Variants in CACHD1 observed in about 807,000 individuals in gnomAD.
The protein encoded by CACHD1 is VWFA and cache domain-containing protein 1.
CACHD1 carries 71 observed loss-of-function variants against 138.7 expected under a neutral mutation model. The ratio of observed to expected loss-of-function variants is 0.51; its 90% CI spans 0.42 to 0.62. The LOEUF (loss-of-function observed/expected upper bound fraction) is 0.62. Among genes scored for constraint, CACHD1 ranks in the 20% least tolerant of loss-of-function variants. CACHD1 has a pLI of 0.00. For missense variants in CACHD1, 1,389 were observed against 1,625.3 expected, an observed-to-expected ratio of 0.85 and a Z score of 2.50; for synonymous variants, 578 against 591.5, an observed-to-expected ratio of 0.98 and a Z score of 0.33.
At chr1:64,587,360 G>A (rs998330896) in intron 3 of CACHD1, among the ~76,000 whole-genome samples, 10 of 152,218 alleles carry the variant, frequency 6.6e-5, no homozygotes, top group African/African-American at 2.2e-4. Flanking sequence ...AAAATAAAAT[G>A]CCTAGTTCTG....
At chr1:64,667,081 ATGCTTC>A (rs1413286330) in intron 16 of CACHD1, among the ~76,000 whole-genome samples, 1 of 152,158 alleles carries the variant, frequency 6.6e-6, no homozygotes, top group Non-Finnish European at 1.5e-5. Context: ...AGAGTGCTTT[ATGCTTC>A]CTGCTTTTAA....
At chr1:64,498,508 G>A (rs919721091) in intron 1 of CACHD1, among the ~76,000 whole-genome samples, 1 of 152,182 alleles carries the variant, frequency 6.6e-6, no homozygotes, top group African/African-American at 2.4e-5. Context: ...GAAGCTCAGC[G>A]CAATGTGGCT....
intron 2 of CACHD1, among the ~76,000 whole-genome samples, chr1:64,554,542 T>C (rs1646782310): frequency 6.6e-6 from 1 of 152,246 alleles, no homozygotes; most frequent in South Asian, 2.1e-4. Flanking sequence ...TTTTTAATCC[T>C]TTGCCAAATG....
chr1:64,663,939 T>G (rs1459610253), intron 14 of CACHD1, 102 bp downstream of exon 14: 13 of 1,455,604 alleles, frequency 8.9e-6, no homozygotes, highest in Non-Finnish European at 1.1e-5. Flanking sequence ...GCTCTGCATC[T>G]GTGCCTCTCA....
intron 4 of CACHD1, among the ~76,000 whole-genome samples, chr1:64,625,765 A>G (rs1004533781): frequency 1.1e-4 from 16 of 152,202 alleles, no homozygotes; most frequent in Admixed American, 7.9e-4. Flanking sequence ...CCCTACATCT[A>G]TAAAAATAAA....
intron 23 of CACHD1, among the ~76,000 whole-genome samples, 185 bp from the exon 24 acceptor site, chr1:64,679,410 A>C (rs1245113563): frequency 6.6e-6 from 1 of 152,220 alleles, no homozygotes; most frequent in Non-Finnish European, 1.5e-5. Context: ...AGAACCAGGA[A>C]TTAAATGTAG....
At chr1:64,523,245 A>G (rs1240622260) in intron 1 of CACHD1, among the ~76,000 whole-genome samples, 7 of 152,214 alleles carry the variant, frequency 4.6e-5, no homozygotes, top group Non-Finnish European at 8.8e-5. Context: ...GGTTGGGGAA[A>G]GTGAGCATAT....
Position 64,641,887 on chromosome 1 carries a change from A to G in CACHD1, c.1074A>G (p.Lys358=). 1 of 1,607,296 alleles carries G rather than the reference A, an allele frequency of 6.2e-7. No individual in the cohort carries two copies. The part of the protein sequence containing the change: ...ITSKDSSEED[K]KATLQVINEE... The stretch of plus-strand genomic sequence containing the variant: ...CAAAGGACTCTTCGGAAGAAGATAA[A>G]AAAGCGACTCTCCAAGTCATCAATG... The change falls in exon 8 of 27, where the codon AAA becomes AAG. Residue 358 remains lysine (K), a synonymous_variant. Transcript: ENST00000651257.
At chr1:64,558,295 T>C (rs2100474893) in intron 2 of CACHD1, among the ~76,000 whole-genome samples, 1 of 152,354 alleles carries the variant, frequency 6.6e-6, no homozygotes, top group South Asian at 2.1e-4. Context: ...CTCCTTGCCT[T>C]TCCAGGCACA....
intron 3 of CACHD1, among the ~76,000 whole-genome samples, chr1:64,600,291 C>T (rs561807023): frequency 6.6e-6 from 1 of 152,310 alleles, no homozygotes; most frequent in Admixed American, 6.5e-5. Flanking sequence ...AAAGAATCTG[C>T]ATAGCAGGAT....
At chr1:64,553,208 TA>T (rs1021902357) in intron 2 of CACHD1, among the ~76,000 whole-genome samples, 1 of 152,248 alleles carries the variant, frequency 6.6e-6, no homozygotes, top group Admixed American at 6.5e-5. Context: ...TTTACGCATT[TA>T]TTGAAAAATT....
intron 1 of CACHD1, among the ~76,000 whole-genome samples, chr1:64,527,923 G>T (rs934374620): frequency 7.9e-5 from 12 of 152,180 alleles, no homozygotes; most frequent in Admixed American, 6.5e-4. Context: ...AACTGGCCCA[G>T]TGCTTGTGGA....
chr1:64,636,170 A>T (rs1194384807), intron 7 of CACHD1, among the ~76,000 whole-genome samples: 3 of 152,010 alleles, frequency 2.0e-5, no homozygotes, highest in Admixed American at 2.0e-4. Flanking sequence ...AATGTATCCT[A>T]TTGAGATAAA....
intron 4 of CACHD1, among the ~76,000 whole-genome samples, chr1:64,606,106 A>AACACACTCAC (rs1647327979): frequency 1.3e-5 from 2 of 148,842 alleles, no homozygotes; most frequent in African/African-American, 4.9e-5. Context: ...AGGAGCTGTA[A>AACACACTCAC]ACACACACAC....
Position 64,470,923 on chromosome 1 carries a change from T to TG in CACHD1, c.184dup (p.Val62GlyfsTer15). 1 of 1,605,474 alleles carries TG rather than the reference T, an allele frequency of 6.2e-7. No individual in the cohort carries two copies. The highest frequency in any genetic ancestry group is 1.1e-5 in the South Asian group (1 of 89,600). ...ATGCGGAGGCTGGCGGCCGAGGAGC[T>TG]GGGGGTCGTCACCATGCAGGTAAGT... On this transcript the variant is annotated frameshift_variant, in exon 1 of 27. Transcript: ENST00000651257. LOFTEE classifies it high-confidence loss of function. This position sits in a 1 kb window ranked among gnomAD's most constrained non-coding sequence, Gnocchi z 5.2.
chr1:64,658,737 G>C lies in CACHD1; in HGVS notation c.1815G>C (p.Val605=). ...ACACTTCCTTTATTCTGTGTATTGT[G>C]GTGATACAACCAGAAATACCTGTGA... ...VQDTSFILCI[V]VIQPEIPVKQ... Residue 605 remains valine, a synonymous_variant, in exon 13 of 27, where the codon GTG becomes GTC. Coordinates refer to ENST00000651257, the MANE Select transcript of CACHD1 (RefSeq NM_020925.4). The C allele has an allele frequency of 1.9e-6, 3 of 1,611,858 alleles. No homozygotes were observed. The highest frequency in any genetic ancestry group is 2.5e-6 in the Non-Finnish European group (3 of 1,178,862).
At chr1:64,640,826 C>T (rs1648688031) in intron 7 of CACHD1, among the ~76,000 whole-genome samples, 1 of 151,742 alleles carries the variant, frequency 6.6e-6, no homozygotes, top group African/African-American at 2.4e-5. Context: ...TCTGACTTCC[C>T]TCTTTTTATT....
At chr1:64,585,490 A>G (rs182063298) in intron 3 of CACHD1, among the ~76,000 whole-genome samples, 6 of 152,366 alleles carry the variant, frequency 3.9e-5, no homozygotes, top group Admixed American at 3.3e-4. Context: ...TAAGCAGATT[A>G]GTAGGAGAGA....
At chr1:64,550,457 C>G (rs1357593341) in intron 1 of CACHD1, 137 bp from the exon 2 acceptor site, 21 of 608,226 alleles carry the variant, frequency 3.5e-5, no homozygotes, top group Non-Finnish European at 4.9e-5. Context: ...TTGGGTTTCT[C>G]TCTGTAAAAT....
Sources: gnomAD v4.1 joint callset for allele counts (sites outside exome capture counted in the v4.1 genomes callset) on GRCh38, gnomAD v4.1.1 for gene constraint, Gnocchi (gnomAD v3.1) non-coding constraint, MANE v1.5 for transcripts, NCBI Gene and HGNC (gene_info 2026-07-23, HGNC 2026-07-21) for gene names.